Variants in GLG1 observed in about 807,000 individuals in gnomAD.
The protein encoded by GLG1 is Golgi apparatus protein 1.
GLG1 carries 38 observed loss-of-function variants against 160.5 expected under a neutral mutation model. That is an observed-to-expected ratio of 0.24 (90% CI 0.18 to 0.31). GLG1 has a LOEUF of 0.31. GLG1 is among the 10% of genes least tolerant of loss of function. The pLI, the probability that GLG1 is intolerant of heterozygous loss-of-function variation, is 1.00. For missense variants in GLG1, 1,373 were observed against 1,505.2 expected, an observed-to-expected ratio of 0.91 and a Z score of 1.45; for synonymous variants, 644 against 543.4, an observed-to-expected ratio of 1.19 and a Z score of -2.57.
At chr16:74,462,954 A>G in intron 20 of GLG1, 1 of 419,952 alleles carries the variant, frequency 2.4e-6, no homozygotes, top group Non-Finnish European at 4.2e-6. Flanking sequence ...GAACACTGAA[A>G]AAGAAATACA....
chr16:74,544,161 A>C (rs2017978408), intron 1 of GLG1, among the ~76,000 whole-genome samples: 1 of 152,238 alleles, frequency 6.6e-6, no homozygotes, highest in Non-Finnish European at 1.5e-5. Context: ...CGGAAAAACA[A>C]AGAAGACTCC....
At chr16:74,519,256 GT>G (rs1394868521) in intron 2 of GLG1, among the ~76,000 whole-genome samples, 2 of 145,962 alleles carry the variant, frequency 1.4e-5, no homozygotes, top group African/African-American at 5.1e-5. Context: ...AGCACCACAT[GT>G]TCTCACTCAT....
intron 1 of GLG1, among the ~76,000 whole-genome samples, chr16:74,591,213 C>T (rs1958174922): frequency 6.6e-6 from 1 of 152,060 alleles, no homozygotes; most frequent in Non-Finnish European, 1.5e-5. Context: ...CACCTGTAGT[C>T]CCAGCTACTC....
chr16:74,491,238 A>G, intron 7 of GLG1, 23 bp from the exon 8 acceptor site: 1 of 1,537,700 alleles, frequency 6.5e-7, no homozygotes, highest in Non-Finnish European at 9.0e-7. Flanking sequence ...GTAAGTCATA[A>G]CATTACGAAG....
intron 2 of GLG1, among the ~76,000 whole-genome samples, chr16:74,512,968 T>C (rs1042799543): frequency 6.6e-6 from 1 of 152,080 alleles, no homozygotes; most frequent in African/African-American, 2.4e-5. Context: ...GGCTTCTAAG[T>C]GTACAAAAGT....
intron 8 of GLG1, among the ~76,000 whole-genome samples, chr16:74,486,924 T>TTCC (rs71376210): frequency 6.7e-6 from 1 of 149,578 alleles, no homozygotes. Context: ...CTTTTTTTTT[T>TTCC]CCCCCCCGAG....
chr16:74,560,243 G>A (rs2018471957), intron 1 of GLG1, among the ~76,000 whole-genome samples: 1 of 152,048 alleles, frequency 6.6e-6, no homozygotes, highest in South Asian at 2.1e-4. Flanking sequence ...AGAACAAAAA[G>A]GCTGAAGCTC....
chr16:74,463,057 T>A, intron 20 of GLG1: 1 of 462,042 alleles, frequency 2.2e-6, no homozygotes, highest in Non-Finnish European at 3.8e-6. Flanking sequence ...TACATTCTCC[T>A]GGCACACTCA....
intron 2 of GLG1, among the ~76,000 whole-genome samples, chr16:74,520,258 G>T (rs2017119496): frequency 6.6e-6 from 1 of 152,166 alleles, no homozygotes; most frequent in South Asian, 2.1e-4. Flanking sequence ...CTCTCAGGCT[G>T]ATTCATTAGT....
chr16:74,593,606 T>C (rs1958234700), intron 1 of GLG1, among the ~76,000 whole-genome samples: 1 of 151,786 alleles, frequency 6.6e-6, no homozygotes, highest in African/African-American at 2.4e-5. Flanking sequence ...GGCTAATTTT[T>C]GTATTTTTAG....
At position 74,566,974 on chromosome 16, in the gene GLG1, A is replaced by G. The variant is rs1481327093; in HGVS notation, c.439-34821T>C. ...ATATATAGTCACGCAAAGAATATAG[A>G]TATCAGAGGAGAAAATGTTTAAGAT... On this transcript the variant is annotated intron_variant, in intron 1 of 25. Transcript: ENST00000422840. Among the ~76,000 whole-genome samples, 3 of 152,250 alleles carry G rather than the reference A, an allele frequency of 2.0e-5. No individual in the cohort carries two copies. The East Asian group carries it at 5.8e-4, about 29-fold the overall frequency.
At chr16:74,517,595 A>G (rs1228130373) in intron 2 of GLG1, among the ~76,000 whole-genome samples, 1 of 152,216 alleles carries the variant, frequency 6.6e-6, no homozygotes, top group Non-Finnish European at 1.5e-5. Flanking sequence ...CCAATATCAT[A>G]CTGAATGGGC....
chr16:74,587,162 C>A (rs1958073315), intron 1 of GLG1, among the ~76,000 whole-genome samples: 2 of 152,124 alleles, frequency 1.3e-5, no homozygotes, highest in African/African-American at 4.8e-5. Context: ...TATGACGTAA[C>A]CTTCAGTCAC....
Position 74,452,150 on chromosome 16 carries a change from T to A in GLG1, c.*1017A>T. 1 of 1,613,444 alleles carries A rather than the reference T, an allele frequency of 6.2e-7. No homozygotes were observed. Among genetic ancestry groups the A allele is most frequent in the East Asian group, 2.2e-5 (1 of 44,852 alleles). ...TTGTAGCCTGAAAAATAAAGCAAAGTGAGTCAAACCTCTGGCTCCCACTTC... is the reference window on the plus strand; with the variant it reads ...TTGTAGCCTGAAAAATAAAGCAAAGAGAGTCAAACCTCTGGCTCCCACTTC... On this transcript the variant is annotated 3_prime_UTR_variant, in exon 26 of 26. Transcript: ENST00000422840.
intron 1 of GLG1, among the ~76,000 whole-genome samples, chr16:74,589,009 A>AG (rs574183091): frequency 3.0e-4 from 45 of 151,376 alleles, no homozygotes; most frequent in African/African-American, 9.2e-4. Context: ...TGGGAGGCTG[A>AG]GGGGGGTGGA....
chr16:74,571,246 T>G (rs895919200), intron 1 of GLG1, among the ~76,000 whole-genome samples: 1 of 152,170 alleles, frequency 6.6e-6, no homozygotes, highest in Non-Finnish European at 1.5e-5. Flanking sequence ...ACAGCTGACC[T>G]GCCAAGTGAC....
At chr16:74,543,208 T>C (rs2017952291) in intron 1 of GLG1, among the ~76,000 whole-genome samples, 2 of 152,198 alleles carry the variant, frequency 1.3e-5, no homozygotes, top group South Asian at 4.1e-4. Context: ...TGGACTTCCA[T>C]CTGAATTAAG....
chr16:74,515,475 A>C (rs2016949410), intron 2 of GLG1, among the ~76,000 whole-genome samples: 1 of 152,188 alleles, frequency 6.6e-6, no homozygotes, highest in Non-Finnish European at 1.5e-5. Flanking sequence ...TCAAAGTAGA[A>C]CTCAGGATTA....
In GLG1 at chr16:74,470,380, T is replaced by A. The variant is rs539538318; in HGVS notation, c.2230-307A>T. Among the ~76,000 whole-genome samples the A allele has an allele frequency of 3.7e-5, 5 of 136,142 alleles. No individual in the cohort carries two copies. In the East Asian group the frequency reaches 1.2e-3, roughly 32 times the overall value. The allele number at this position is 136,142 out of a possible 152,430, so 89.3% of individuals were successfully genotyped here. A position where few individuals can be genotyped will look rare whatever the true frequency, so the allele number is the denominator to read the frequency against. On this transcript the variant is annotated intron_variant, in intron 15 of 25. Coordinates refer to ENST00000422840, the MANE Select transcript of GLG1 (RefSeq NM_001145667.2). ...TTCCCTCCTTCCTTCCTTCCCTCCC[T>A]CCTTCCTTCCTTCCCTCCCTCCTTC...
Sources: allele counts gnomAD v4.1 joint callset (sites outside exome capture counted in the v4.1 genomes callset), GRCh38; gene constraint gnomAD v4.1.1; transcripts MANE v1.5; gene names NCBI Gene and HGNC (gene_info 2026-07-23, HGNC 2026-07-21).